The following DPH6 variants were observed in gnomAD, a reference collection of about 807,000 sequenced individuals.
The protein encoded by DPH6 is diphthamine biosynthesis 6.
A neutral mutation model predicts 38.2 loss-of-function variants in DPH6; 33 were observed. The ratio of observed to expected loss-of-function variants is 0.86; its 90% CI spans 0.65 to 1.15. DPH6 has a LOEUF of 1.15. DPH6 is among the 50% of genes most tolerant of loss of function. The pLI is 0.00. For synonymous variants in DPH6, 108 were observed against 103.0 expected, an observed-to-expected ratio of 1.05 and a Z score of -0.30; for missense variants, 325 against 320.0, an observed-to-expected ratio of 1.02 and a Z score of -0.12.
chr15:35,458,355 C>T (rs1176729913), intron 3 of DPH6, among the ~76,000 whole-genome samples: 1 of 152,160 alleles, frequency 6.6e-6, no homozygotes, highest in Non-Finnish European at 1.5e-5. Context: ...TGACACGCAA[C>T]TCTAGGTAGA....
chr15:35,420,796 G>A (rs1486101975), intron 5 of DPH6, among the ~76,000 whole-genome samples: 3 of 152,140 alleles, frequency 2.0e-5, no homozygotes, highest in Non-Finnish European at 4.4e-5. Context: ...ATTACAGCGT[G>A]AGCCACTGTG....
intron 6 of DPH6, among the ~76,000 whole-genome samples, chr15:35,398,069 C>T (rs2053169343): frequency 6.6e-6 from 1 of 152,122 alleles, no homozygotes; most frequent in African/African-American, 2.4e-5. Flanking sequence ...TTCTGTGATA[C>T]TGTGAAATAG....
chr15:35,389,847 G>C (rs899348922), intron 6 of DPH6, among the ~76,000 whole-genome samples: 4 of 152,144 alleles, frequency 2.6e-5, no homozygotes, highest in Admixed American at 2.0e-4. Flanking sequence ...TTACATTTAA[G>C]ATTAGTGTTG....
At chr15:35,536,235 AATTT>A (rs1471239082) in intron 3 of DPH6, among the ~76,000 whole-genome samples, 8 of 152,038 alleles carry the variant, frequency 5.3e-5, no homozygotes, top group Non-Finnish European at 1.2e-4. Context: ...TTCATAAATG[AATTT>A]AACTATAAAA....
At chr15:35,522,613 G>A (rs2054938238) in intron 3 of DPH6, among the ~76,000 whole-genome samples, 2 of 152,076 alleles carry the variant, frequency 1.3e-5, no homozygotes, top group African/African-American at 4.8e-5. Flanking sequence ...GGGAATGGCT[G>A]ACATCCTGTT....
chr15:35,300,235 T>C (rs1285474984), intron 3 of DPH6, among the ~76,000 whole-genome samples: 1 of 152,246 alleles, frequency 6.6e-6, no homozygotes, highest in Non-Finnish European at 1.5e-5. Flanking sequence ...AATCATGTAG[T>C]ACTCATAGGC....
chr15:35,465,860 G>A (rs1372424228), intron 3 of DPH6, among the ~76,000 whole-genome samples: 1 of 152,076 alleles, frequency 6.6e-6, no homozygotes, highest in East Asian at 1.9e-4. Context: ...TTGCAGAAGA[G>A]CATAATAATT....
the DPH6 span, among the ~76,000 whole-genome samples, chr15:35,175,770 C>T: frequency 1.3e-5 from 2 of 152,148 alleles, no homozygotes; most frequent in East Asian, 3.9e-4. Flanking sequence ...TAAATTCTAC[C>T]CTTGTCAATA....
chr15:35,517,785 T>C (rs1363677103), intron 3 of DPH6, among the ~76,000 whole-genome samples: 7 of 152,032 alleles, frequency 4.6e-5, no homozygotes, highest in Non-Finnish European at 1.0e-4. Context: ...CCAAAGTTCA[T>C]TGTGTAAGAT....
chr15:35,365,431 T>A (rs190655614), intron 3 of DPH6, among the ~76,000 whole-genome samples: 2 of 152,150 alleles, frequency 1.3e-5, no homozygotes, highest in African/African-American at 2.4e-5. Context: ...ATAAATCGTA[T>A]GAGGATTATC....
intron 3 of DPH6, among the ~76,000 whole-genome samples, chr15:35,513,297 G>A (rs949992037): frequency 6.6e-6 from 1 of 151,822 alleles, no homozygotes; most frequent in South Asian, 2.1e-4. Context: ...AATTAACAAA[G>A]AATTTAGACT....
downstream of DPH6, among the ~76,000 whole-genome samples, chr15:35,368,919 G>T (rs2052685919): frequency 6.6e-6 from 1 of 151,642 alleles, no homozygotes; most frequent in South Asian, 2.1e-4. Flanking sequence ...GAATCATCTG[G>T]ATAAAGAGGT....
intron 6 of DPH6, 28 bp downstream of exon 6, chr15:35,410,807 C>T (rs2140994053): frequency 6.4e-7 from 1 of 1,560,818 alleles, no homozygotes; most frequent in Non-Finnish European, 8.6e-7. Flanking sequence ...TAGATGGCTA[C>T]ATTTTGAGAT....
chr15:35,397,868 T>TATAC (rs752473433), intron 6 of DPH6, among the ~76,000 whole-genome samples: 4,182 of 86,992 alleles, frequency 0.048, 103 homozygotes, highest in Middle Eastern at 0.091. Flanking sequence ...TTTATATATA[T>TATAC]ACACACACAC....
chr15:35,148,117 G>A, the DPH6 span, among the ~76,000 whole-genome samples: 1 of 151,928 alleles, frequency 6.6e-6, no homozygotes, highest in African/African-American at 2.4e-5. Context: ...AGAAATAATG[G>A]GTAAGTTAAA....
At chr15:35,411,068 G>C (rs16960864) in intron 5 of DPH6, among the ~76,000 whole-genome samples, 172 bp from the exon 6 acceptor site, 35,894 of 151,190 alleles carry the variant, frequency 0.24, 4,375 homozygotes, top group South Asian at 0.38. Flanking sequence ...TATTCCCCTT[G>C]GGTAACTGGT....
the DPH6 span, among the ~76,000 whole-genome samples, chr15:35,150,917 T>G: frequency 2.0e-5 from 3 of 152,324 alleles, no homozygotes; most frequent in South Asian, 6.2e-4. Flanking sequence ...CTCCAAATGA[T>G]GATGTTTCTA....
chr15:35,392,102 C>T (rs2053067471), intron 6 of DPH6, among the ~76,000 whole-genome samples: 1 of 152,162 alleles, frequency 6.6e-6, no homozygotes, highest in Non-Finnish European at 1.5e-5. Context: ...ACAGATGTGG[C>T]TAACTTGGGT....
At chr15:35,520,248 A>C in intron 3 of DPH6, 5 of 867,924 alleles carry the variant, frequency 5.8e-6, no homozygotes, top group Non-Finnish European at 6.9e-6. Flanking sequence ...AAACAAAAGA[A>C]GAAGAATCAA....
Sources: allele counts gnomAD v4.1 joint callset (sites outside exome capture counted in the v4.1 genomes callset), GRCh38; gene constraint gnomAD v4.1.1; transcripts MANE v1.5; gene names NCBI Gene and HGNC (gene_info 2026-07-23, HGNC 2026-07-21).